Variants in STPG2 observed in about 807,000 individuals in gnomAD.
STPG2 encodes the protein sperm tail PG-rich repeat containing 2.
In STPG2, 56 loss-of-function variants were observed where a neutral mutation model predicts 54.2. That is an observed-to-expected ratio of 1.03 (90% CI 0.83 to 1.29). The LOEUF (loss-of-function observed/expected upper bound fraction) is 1.29. Among genes scored for constraint, STPG2 ranks in the 50% most tolerant of loss-of-function variants. The pLI is 0.00. For synonymous variants in STPG2, 200 were observed against 181.8 expected, an observed-to-expected ratio of 1.10 and a Z score of -0.81; for missense variants, 596 against 544.9, an observed-to-expected ratio of 1.09 and a Z score of -0.93.
chr4:97,541,288 C>A (rs1731697075), intron 4 of STPG2, among the ~76,000 whole-genome samples: 16 of 152,072 alleles, frequency 1.1e-4, no homozygotes, highest in Admixed American at 1.0e-3. Context: ...GATACAAAAT[C>A]AATGTGCAAA....
At chr4:97,645,101 T>C (rs1721876037) in intron 10 of STPG2, among the ~76,000 whole-genome samples, 1 of 152,008 alleles carries the variant, frequency 6.6e-6, no homozygotes, top group Admixed American at 6.6e-5. Context: ...CTTAATCAAA[T>C]ATTATTTAGA....
chr4:97,564,951 T>C (rs933821151), intron 10 of STPG2, among the ~76,000 whole-genome samples: 22 of 152,328 alleles, frequency 1.4e-4, no homozygotes, highest in African/African-American at 5.3e-4. Context: ...TGTGGCGTTC[T>C]CTGTATTTCC....
chr4:97,466,929 A>C (rs1729801736), intron 4 of STPG2, among the ~76,000 whole-genome samples: 1 of 152,044 alleles, frequency 6.6e-6, no homozygotes, highest in Non-Finnish European at 1.5e-5. Flanking sequence ...TGTTAAAGAT[A>C]TTTGCAATAG....
chr4:97,828,113 G>C (rs1728322154), intron 9 of STPG2, among the ~76,000 whole-genome samples: 1 of 152,132 alleles, frequency 6.6e-6, no homozygotes, highest in Non-Finnish European at 1.5e-5. Flanking sequence ...GGCCAAATAG[G>C]AACAGCCCTG....
Position 97,739,440 on chromosome 4 carries a change from G to C in STPG2, c.1205-26626C>G, listed in dbSNP as rs533050133. On this transcript the variant is annotated intron_variant, in intron 9 of 10. Transcript: ENST00000295268. Reference sequence around the variant, plus strand: ...GAATCCAGGAGCTGGTTTTTTGAAAGGATCAACAAAATTGATAGATTGCTA... The same window carrying C: ...GAATCCAGGAGCTGGTTTTTTGAAACGATCAACAAAATTGATAGATTGCTA... 5.3e-5 allele frequency among the ~76,000 whole-genome samples: 8 copies of C among 152,064 alleles called. No homozygotes were observed. The South Asian group carries it at 1.7e-3, about 32-fold the overall frequency.
At chr4:97,985,281 C>T (rs1306562195) in intron 5 of STPG2, among the ~76,000 whole-genome samples, 3 of 152,062 alleles carry the variant, frequency 2.0e-5, no homozygotes, top group Admixed American at 1.3e-4. Flanking sequence ...ACTGTTTAGG[C>T]CCTATTCTGA....
At position 97,450,158 on chromosome 4, in the gene STPG2, A is replaced by G. The variant is rs115479802; in HGVS notation, c.463-262325T>C. 2.9e-3 allele frequency among the ~76,000 whole-genome samples: 436 copies of G among 152,244 alleles called. 3 individuals carry two copies. The highest frequency in any genetic ancestry group is 9.7e-3 in the African/African-American group (402 of 41,554). ...ACATATAAGTCCGATTGCTTAGAAA[A>G]ATAATAAAAAATAAAAAATCAACAT... On this transcript the variant is annotated intron_variant, in intron 4 of 4. Coordinates refer to the STPG2 transcript ENST00000522676.
At chr4:98,046,107 T>A (rs919539490) in intron 5 of STPG2, among the ~76,000 whole-genome samples, 1 of 152,078 alleles carries the variant, frequency 6.6e-6, no homozygotes, top group Non-Finnish European at 1.5e-5. Flanking sequence ...GTCTTCAAAT[T>A]CACTGATCAT....
At chr4:97,860,274 G>C (rs902024389) in intron 8 of STPG2, among the ~76,000 whole-genome samples, 1 of 151,964 alleles carries the variant, frequency 6.6e-6, no homozygotes, top group African/African-American at 2.4e-5. Flanking sequence ...AATCATGATG[G>C]TACTTTTATG....
chr4:97,578,944 A>C (rs1211500158), intron 10 of STPG2, among the ~76,000 whole-genome samples: 1 of 152,182 alleles, frequency 6.6e-6, no homozygotes, highest in African/African-American at 2.4e-5. Context: ...TTAAGATTTA[A>C]GAATTTTAAA....
intron 5 of STPG2, among the ~76,000 whole-genome samples, chr4:98,090,287 C>A (rs1248556864): frequency 6.6e-6 from 1 of 152,102 alleles, no homozygotes; most frequent in East Asian, 1.9e-4. Context: ...GTTTTCCCAG[C>A]ACCATTTATA....
At chr4:97,628,651 T>C (rs1212103683) in intron 10 of STPG2, among the ~76,000 whole-genome samples, 1 of 152,116 alleles carries the variant, frequency 6.6e-6, no homozygotes, top group Non-Finnish European at 1.5e-5. Flanking sequence ...GTATTTACCT[T>C]ACAATTACAG....
At chr4:97,691,302 TG>T (rs1312026519) in intron 10 of STPG2, among the ~76,000 whole-genome samples, 1 of 152,176 alleles carries the variant, frequency 6.6e-6, no homozygotes, top group African/African-American at 2.4e-5. Flanking sequence ...GTTCACCAGC[TG>T]CCTCGAAATA....
In STPG2 at chr4:98,134,385, C is replaced by G; in HGVS notation, c.184G>C (p.Val62Leu). The change falls in exon 2 of 11, where the codon GTT (valine) becomes CTT (leucine). Residue 62 changes from valine to leucine, a missense_variant. Transcript: ENST00000295268. ...ACATTATAGTGTCCTGGACCTGGAA[C>G]AGCTTTCTCAATGCTAGAGGCAATG... Reference protein sequence around the residue: ...FTIASSIEKAVPGPGHYNVSE... With the variant: ...FTIASSIEKALPGPGHYNVSE... The G allele has an allele frequency of 1.9e-6, 3 of 1,582,422 alleles. No individual in the cohort carries two copies. The highest frequency in any genetic ancestry group is 2.6e-6 in the Non-Finnish European group (3 of 1,161,724).
chr4:98,103,362 C>A (rs1464477134), intron 5 of STPG2, among the ~76,000 whole-genome samples: 4 of 151,946 alleles, frequency 2.6e-5, no homozygotes, highest in African/African-American at 7.3e-5. Flanking sequence ...TATTTCAGGG[C>A]TGGGCGTGGT....
At chr4:98,111,561 CATT>C (rs1325948925) in intron 3 of STPG2, among the ~76,000 whole-genome samples, 2 of 152,132 alleles carry the variant, frequency 1.3e-5, no homozygotes, top group Admixed American at 1.3e-4. Context: ...AGCCCCCACA[CATT>C]ATAATATATA....
At chr4:97,893,417 A>G in intron 8 of STPG2, among the ~76,000 whole-genome samples, 1 of 152,120 alleles carries the variant, frequency 6.6e-6, no homozygotes, top group Non-Finnish European at 1.5e-5. Flanking sequence ...TGGCTTAAGT[A>G]AAATAGAAGT....
chr4:98,110,605 G>T (rs551376643), intron 3 of STPG2, among the ~76,000 whole-genome samples: 2 of 152,064 alleles, frequency 1.3e-5, no homozygotes, highest in Non-Finnish European at 2.9e-5. Context: ...AAGTTAAAAG[G>T]TCAATCCATG....
chr4:97,628,393 G>C (rs185025646), intron 10 of STPG2, among the ~76,000 whole-genome samples: 23 of 152,190 alleles, frequency 1.5e-4, no homozygotes, highest in African/African-American at 5.3e-4. Flanking sequence ...GAACTACATA[G>C]TTCTGATTGA....
Sources: allele counts gnomAD v4.1 joint callset (sites outside exome capture counted in the v4.1 genomes callset), GRCh38; gene constraint gnomAD v4.1.1; transcripts MANE v1.5; gene names NCBI Gene and HGNC (gene_info 2026-07-23, HGNC 2026-07-21).